Variants in TSPAN3 observed in about 807,000 individuals in gnomAD.
TSPAN3 encodes the protein tetraspanin 3, also known as tetraspanin-3.
A neutral mutation model predicts 31.1 loss-of-function variants in TSPAN3; 9 were observed. That is an observed-to-expected ratio of 0.29 (90% CI 0.17 to 0.50). TSPAN3 has a LOEUF of 0.50. Among genes scored for constraint, TSPAN3 ranks in the 20% least tolerant of loss-of-function variants. TSPAN3 has a pLI of 0.98. For synonymous variants in TSPAN3, 129 were observed against 114.3 expected, an observed-to-expected ratio of 1.13 and a Z score of -0.82; for missense variants, 252 against 313.5, an observed-to-expected ratio of 0.80 and a Z score of 1.48.
intron 1 of TSPAN3, among the ~76,000 whole-genome samples, chr15:77,059,576 C>G (rs2076788585): frequency 6.6e-6 from 1 of 152,120 alleles, no homozygotes; most frequent in Admixed American, 6.6e-5. Flanking sequence ...GCAAATTAAT[C>G]AAATTTTGTC....
chr15:77,044,207 C>T lies in TSPAN3; in HGVS notation c.*2628G>A, dbSNP rs1165805071. On this transcript the variant is annotated 3_prime_UTR_variant, in exon 7 of 7. Transcript: ENST00000267970. Reference sequence around the variant, plus strand: ...CCAGGCATCTGTAGTTCTCAAAGTGCCCCGGTGCTTCCAATGTGCAGCCAC... The same window carrying T: ...CCAGGCATCTGTAGTTCTCAAAGTGTCCCGGTGCTTCCAATGTGCAGCCAC... 1.3e-5 allele frequency: 2 copies of T among 152,198 alleles called. No homozygotes were observed. Among genetic ancestry groups the T allele is most frequent in the Non-Finnish European group, 2.9e-5 (2 of 68,054 alleles). The allele number at this position is 152,198 out of a possible 1,614,324, so 9.4% of individuals were successfully genotyped here. A position where few individuals can be genotyped will look rare whatever the true frequency, so the allele number is the denominator to read the frequency against.
chr15:77,059,972 G>A (rs558774742), intron 1 of TSPAN3, among the ~76,000 whole-genome samples: 4 of 152,262 alleles, frequency 2.6e-5, no homozygotes, highest in South Asian at 2.1e-4. Flanking sequence ...CTGAAACTGA[G>A]ACTACAAGAA....
Position 77,043,584 on chromosome 15 carries a change from C to G in TSPAN3, c.*3251G>C, listed in dbSNP as rs1405505004. 1 of 152,142 alleles carries G rather than the reference C, an allele frequency of 6.6e-6. No individual in the cohort carries two copies. The highest frequency in any genetic ancestry group is 6.5e-5 in the Admixed American group (1 of 15,268). 9.4% of individuals were successfully genotyped at this position (152,142 alleles called of 1,614,324 possible). On this transcript the variant is annotated 3_prime_UTR_variant, in exon 7 of 7. Transcript: ENST00000267970. Reference sequence around the variant, plus strand: ...CACAGATAAGCAGCACCACCTAAAACGAACTGTATCCTTACAAACTGTTCC... The same window carrying G: ...CACAGATAAGCAGCACCACCTAAAAGGAACTGTATCCTTACAAACTGTTCC...
intron 1 of TSPAN3, chr15:77,070,064 G>GCA (rs2076857463): frequency 6.6e-6 from 1 of 152,022 alleles, no homozygotes; most frequent in African/African-American, 2.4e-5. Flanking sequence ...ATGGGCTGGA[G>GCA]GGTGGAGAGA....
At chr15:77,068,890 T>A (rs961094372) in intron 1 of TSPAN3, among the ~76,000 whole-genome samples, 11 of 152,194 alleles carry the variant, frequency 7.2e-5, no homozygotes, top group Admixed American at 7.2e-4. Context: ...CTACCACTGA[T>A]GGCCATTTGG....
At position 77,042,406 on chromosome 15, in the gene TSPAN3, C is replaced by T. The variant is rs901912348; in HGVS notation, c.*4429G>A. On this transcript the variant is annotated 3_prime_UTR_variant, in exon 7 of 7. Transcript: ENST00000267970. ...ACACCTAGTGCCAGGGACCAGGGCT[C>T]CTGGGACAAACACTGATCCATGGCT... is the stretch of plus-strand genomic sequence containing the variant. 4 of 152,170 alleles carry T rather than the reference C, an allele frequency of 2.6e-5. No individual in the cohort carries two copies. Among genetic ancestry groups the T allele is most frequent in the African/African-American group, 7.2e-5 (3 of 41,430 alleles). The allele number at this position is 152,170 out of a possible 1,614,324, so 9.4% of individuals were successfully genotyped here.
At chr15:77,046,952 G>A (rs1568537523) in intron 6 of TSPAN3, 25 bp from the exon 7 acceptor site, 7 of 1,546,534 alleles carry the variant, frequency 4.5e-6, no homozygotes, top group African/African-American at 2.7e-5. Flanking sequence ...CAACAATGGG[G>A]AAAAAAGGCT....
chr15:77,062,072 T>C (rs983907265), intron 1 of TSPAN3, among the ~76,000 whole-genome samples: 9 of 152,128 alleles, frequency 5.9e-5, no homozygotes, highest in African/African-American at 1.9e-4. Flanking sequence ...AGGGAAAAAA[T>C]AGGCAGGAAT....
chr15:77,056,009 T>C, intron 2 of TSPAN3, 55 bp downstream of exon 2: 1 of 1,540,124 alleles, frequency 6.5e-7, no homozygotes, highest in Admixed American at 2.1e-5. Flanking sequence ...AGTCTCATGT[T>C]CAAGGAGAGT....
chr15:77,060,353 A>G (rs1304702422), intron 1 of TSPAN3, among the ~76,000 whole-genome samples: 1 of 152,226 alleles, frequency 6.6e-6, no homozygotes, highest in Non-Finnish European at 1.5e-5. Flanking sequence ...TGTATAATAA[A>G]CAATTATGAA....
Position 77,052,808 on chromosome 15 carries a change from C to T in TSPAN3, c.554G>A (p.Ser185Asn). The change falls in exon 5 of 7, where the codon AGC becomes AAC. Residue 185 changes from serine to asparagine, a missense_variant. Physicochemically the swap from Ser to Asn is conservative, Grantham distance 46. Coordinates refer to ENST00000267970, the MANE Select transcript of TSPAN3 (RefSeq NM_005724.6). ...CRETASNCNG[S>N]LAHPSDLYAE... is the part of the protein sequence containing the mutation. Reference sequence around the variant, plus strand: ...ATAGAGGTCGGAAGGGTGGGCCAGGCTGCCATTACAATTGCTGGCAGTCTC... The same window carrying T: ...ATAGAGGTCGGAAGGGTGGGCCAGGTTGCCATTACAATTGCTGGCAGTCTC... The T allele has an allele frequency of 6.2e-7, 1 of 1,614,162 alleles. No individual in the cohort carries two copies. Among genetic ancestry groups the T allele is most frequent in the African/African-American group, 1.3e-5 (1 of 75,044 alleles).
At chr15:77,059,194 T>C (rs973251183) in intron 1 of TSPAN3, among the ~76,000 whole-genome samples, 28 of 152,322 alleles carry the variant, frequency 1.8e-4, no homozygotes, top group African/African-American at 6.3e-4. Flanking sequence ...GCCATTCTCC[T>C]GCCTCAGCCT....
At chr15:77,052,116 G>T (rs965834917) in intron 6 of TSPAN3, among the ~76,000 whole-genome samples, 2 of 152,144 alleles carry the variant, frequency 1.3e-5, no homozygotes, top group African/African-American at 4.8e-5. Flanking sequence ...TTTTGAACAG[G>T]TCACTCACTA....
At chr15:77,055,123 T>C (rs1423308563) in intron 3 of TSPAN3, 1 of 152,236 alleles carries the variant, frequency 6.6e-6, no homozygotes, top group African/African-American at 2.4e-5. Flanking sequence ...ACCATTAAGT[T>C]ATAATGAGAA....
chr15:77,051,060 C>CT (rs141244804), intron 6 of TSPAN3, among the ~76,000 whole-genome samples: 30,622 of 151,310 alleles, frequency 0.2, 3,793 homozygotes, highest in Middle Eastern at 0.29. Context: ...CTACATTTTT[C>CT]TTTTTTAAAA....
At chr15:77,062,884 AG>A (rs1020952002) in intron 1 of TSPAN3, among the ~76,000 whole-genome samples, 2 of 152,200 alleles carry the variant, frequency 1.3e-5, no homozygotes, top group African/African-American at 4.8e-5. Flanking sequence ...GTGGTGTGAT[AG>A]GGGAAAAAAC....
Position 77,049,080 on chromosome 15 carries a change from G to A in TSPAN3, c.670-2153C>T, listed in dbSNP as rs544646730. Among the ~76,000 whole-genome samples the A allele has an allele frequency of 4.7e-4, 72 of 152,232 alleles. 1 individual carries two copies. The highest frequency in any genetic ancestry group is 6.8e-3 in the Middle Eastern group (2 of 294). On this transcript the variant is annotated intron_variant, in intron 6 of 6. Coordinates refer to ENST00000267970, the MANE Select transcript of TSPAN3 (RefSeq NM_005724.6). ...ATAAAATGGAATACTATGCAGACAT[G>A]AAATTAAAAAGGCAGATCTATATCC... is the stretch of plus-strand genomic sequence containing the variant.
At chr15:77,068,086 T>C (rs965208632) in intron 1 of TSPAN3, 1 of 152,238 alleles carries the variant, frequency 6.6e-6, no homozygotes, top group Non-Finnish European at 1.5e-5. Flanking sequence ...GTAACTCAAA[T>C]GTTAGTTGCC....
intron 1 of TSPAN3, among the ~76,000 whole-genome samples, chr15:77,058,975 A>T (rs1431080036): frequency 6.6e-6 from 1 of 152,244 alleles, no homozygotes; most frequent in Non-Finnish European, 1.5e-5. Context: ...AGGTTCTCAG[A>T]GTTCACTGAC....
Sources: allele counts gnomAD v4.1 joint callset (sites outside exome capture counted in the v4.1 genomes callset), GRCh38; gene constraint gnomAD v4.1.1; transcripts MANE v1.5; gene names NCBI Gene and HGNC (gene_info 2026-07-23, HGNC 2026-07-21).